Variants in DNAH14 observed in about 807,000 individuals in gnomAD.
The protein encoded by DNAH14 is axonemal beta dynein heavy chain 14.
A neutral mutation model predicts 520.9 loss-of-function variants in DNAH14; 478 were observed. The observed-to-expected ratio is 0.92, with a 90% CI of 0.85 to 0.99. DNAH14 has a LOEUF of 0.99. Among genes scored for constraint, DNAH14 ranks in the 50% least tolerant of loss-of-function variants. The pLI, the probability that DNAH14 is intolerant of heterozygous loss-of-function variation, is 0.00. For synonymous variants in DNAH14, 1,581 were observed against 1,757.2 expected, an observed-to-expected ratio of 0.90 and a Z score of 2.51; for missense variants, 4,831 against 5,234.5, an observed-to-expected ratio of 0.92 and a Z score of 2.38.
At chr1:225,171,539 C>T (rs1273883016) in intron 36 of DNAH14, among the ~76,000 whole-genome samples, 1 of 152,064 alleles carries the variant, frequency 6.6e-6, no homozygotes, top group African/African-American at 2.4e-5. Flanking sequence ...AAAAATTTCT[C>T]GACACATACA....
chr1:224,983,933 A>G (rs2501133), intron 8 of DNAH14, among the ~76,000 whole-genome samples: 39,681 of 151,994 alleles, frequency 0.26, 8,051 homozygotes, highest in African/African-American at 0.56. Context: ...CTCATGGATG[A>G]GTAGAATCAA....
intron 69 of DNAH14, among the ~76,000 whole-genome samples, chr1:225,343,715 G>C (rs768100981): frequency 2.0e-5 from 3 of 152,068 alleles, no homozygotes; most frequent in Non-Finnish European, 4.4e-5. Flanking sequence ...CTAATAAACT[G>C]TTTCTTTATA....
At chr1:225,058,526 G>C (rs370891099) in intron 17 of DNAH14, among the ~76,000 whole-genome samples, 4 of 152,026 alleles carry the variant, frequency 2.6e-5, no homozygotes, top group Non-Finnish European at 5.9e-5. Context: ...GTGTCTCTAT[G>C]TCCTTCATTT....
chr1:224,950,102 T>G (rs1196316044), intron 1 of DNAH14, among the ~76,000 whole-genome samples: 1 of 152,164 alleles, frequency 6.6e-6, no homozygotes, highest in African/African-American at 2.4e-5. Flanking sequence ...TTTTTAGTAC[T>G]TGCACTATTA....
At position 225,010,597 on chromosome 1, in the gene DNAH14, A is replaced by T. The variant is rs533624065; in HGVS notation, c.1107+3053A>T. ...TCTACCAGGTTTTGGTATCAGGATG[A>T]TGCTGGCCTCAGAAAATGAGTTAGG... On this transcript the variant is annotated intron_variant, in intron 10 of 85. Transcript: ENST00000682510. Among the ~76,000 whole-genome samples the T allele has an allele frequency of 2.4e-4, 36 of 152,194 alleles. 1 individual carries two copies. In the South Asian group the frequency reaches 6.2e-3, roughly 26 times the overall value.
chr1:225,117,906 A>C lies in DNAH14; in HGVS notation c.3998A>C (p.Asn1333Thr). Residue 1333 changes from asparagine (N) to threonine (T), a missense_variant, in exon 25 of 86, where the codon AAT (asparagine) becomes ACT (threonine). By Grantham distance (65) the Asn-to-Thr change is moderately conservative (BLOSUM62 0). Coordinates refer to ENST00000682510, the MANE Select transcript of DNAH14 (RefSeq NM_001367479.1). ...VQPHLVKCFE[N>T]IKQLLIWKQD... is the part of the protein sequence containing the mutation. Reference sequence around the variant, plus strand: ...CCTCATCTTGTGAAATGCTTTGAAAATATAAAACAATTATTGATATGGAAA... The same window carrying C: ...CCTCATCTTGTGAAATGCTTTGAAACTATAAAACAATTATTGATATGGAAA... 6.4e-7 allele frequency: 1 copy of C among 1,550,406 alleles called. No homozygotes were observed. The highest frequency in any genetic ancestry group is 1.4e-5 in the African/African-American group (1 of 73,100).
chr1:225,370,018 G>A (rs565477731), intron 77 of DNAH14, among the ~76,000 whole-genome samples: 2 of 152,156 alleles, frequency 1.3e-5, no homozygotes, highest in Non-Finnish European at 2.9e-5. Context: ...AAACCTGCAC[G>A]GTGGCTCACG....
intron 7 of DNAH14, among the ~76,000 whole-genome samples, chr1:224,973,541 G>A (rs1369014293): frequency 6.6e-6 from 1 of 152,148 alleles, no homozygotes; most frequent in Non-Finnish European, 1.5e-5. Flanking sequence ...TTTTCAAAAT[G>A]CATGACAATT....
At chr1:225,340,112 T>G (rs979930720) in intron 68 of DNAH14, among the ~76,000 whole-genome samples, 2 of 152,162 alleles carry the variant, frequency 1.3e-5, no homozygotes, top group African/African-American at 4.8e-5. Flanking sequence ...ACCATGTCAC[T>G]CCTCAAATCC....
rs1430530883 is a variant in DNAH14 at position 225,141,466 on chromosome 1, C to T, written c.4508+445C>T. On this transcript the variant is annotated intron_variant, in intron 28 of 85. Coordinates refer to ENST00000682510, the MANE Select transcript of DNAH14 (RefSeq NM_001367479.1). ...TATATGTGGTTTGAACTATACGTAT[C>T]CTCTGTTTGGGCGGGGGCGGGGGCG... 2.2e-5 allele frequency among the ~76,000 whole-genome samples: 3 copies of T among 138,650 alleles called. No individual in the cohort carries two copies. The Admixed American group carries it at 2.4e-4, about 11-fold the overall frequency. 91.0% of individuals were successfully genotyped at this position (138,650 alleles called of 152,430 possible). A position where few individuals can be genotyped will look rare whatever the true frequency, so the allele number is the denominator to read the frequency against.
At chr1:225,260,991 G>A (rs2092916406) in intron 46 of DNAH14, among the ~76,000 whole-genome samples, 1 of 152,090 alleles carries the variant, frequency 6.6e-6, no homozygotes, top group South Asian at 2.1e-4. Context: ...TGTTGAGTTT[G>A]TATATCTTGC....
At chr1:224,937,127 C>A (rs2059095458) in intron 1 of DNAH14, among the ~76,000 whole-genome samples, 1 of 151,644 alleles carries the variant, frequency 6.6e-6, no homozygotes, top group South Asian at 2.1e-4. Context: ...AAATTGAAGG[C>A]TTTTCCACTA....
At chr1:225,127,367 ACTTG>A (rs1416230998) in intron 27 of DNAH14, among the ~76,000 whole-genome samples, 2 of 151,514 alleles carry the variant, frequency 1.3e-5, no homozygotes, top group Admixed American at 1.3e-4. Flanking sequence ...GTCACTCAGG[ACTTG>A]CTTTATGAAT....
In DNAH14 at chr1:225,145,376, T is replaced by C. The variant is rs1375057822; in HGVS notation, c.4791T>C (p.Tyr1597=). Residue 1597 remains tyrosine, a synonymous_variant, in exon 30 of 86, where the codon TAT becomes TAC. Transcript: ENST00000682510. The part of the protein sequence containing the change: ...VVFNCFEDLD[Y]KIVRKFFFGL... ...TCAACTGTTTTGAGGATTTGGATTA[T>C]AAGGTAAACCTTAAACATATGTGTC... The C allele has an allele frequency of 3.2e-6, 5 of 1,546,500 alleles. No homozygotes were observed. The African/African-American group carries it at 5.5e-5, about 17-fold the overall frequency.
At chr1:225,105,184 G>A (rs1452370113) in intron 23 of DNAH14, among the ~76,000 whole-genome samples, 3 of 152,046 alleles carry the variant, frequency 2.0e-5, no homozygotes, top group Admixed American at 6.6e-5. Flanking sequence ...TTTTCCATGT[G>A]GTTGAGCGGT....
chr1:225,274,053 T>C (rs1276553465), intron 52 of DNAH14, among the ~76,000 whole-genome samples: 1 of 152,184 alleles, frequency 6.6e-6, no homozygotes, highest in Admixed American at 6.5e-5. Context: ...TACCCACTAA[T>C]GGGATTGCTG....
chr1:225,258,201 A>C (rs2092808533), intron 45 of DNAH14, 83 bp downstream of exon 45: 2 of 1,240,644 alleles, frequency 1.6e-6, no homozygotes, highest in Non-Finnish European at 2.1e-6. Flanking sequence ...TTATTTTGTA[A>C]GTGGGAAAAA....
At chr1:224,995,538 A>G (rs1471301093) in intron 8 of DNAH14, among the ~76,000 whole-genome samples, 1 of 152,006 alleles carries the variant, frequency 6.6e-6, no homozygotes, top group Non-Finnish European at 1.5e-5. Flanking sequence ...ACTCTGGGTT[A>G]AATTTAATTG....
intron 17 of DNAH14, among the ~76,000 whole-genome samples, chr1:225,073,190 G>A (rs142350748): frequency 7.4e-4 from 113 of 152,226 alleles, no homozygotes; most frequent in African/African-American, 2.6e-3. Flanking sequence ...TTGGGGACAC[G>A]CTTAAAAAAG....
Sources: allele counts gnomAD v4.1 joint callset (sites outside exome capture counted in the v4.1 genomes callset), GRCh38; gene constraint gnomAD v4.1.1; transcripts MANE v1.5; gene names NCBI Gene and HGNC (gene_info 2026-07-23, HGNC 2026-07-21).